Variants in ADCY9 observed in about 807,000 individuals in gnomAD.
The protein encoded by ADCY9 is adenylate cyclase 9, also known as adenylate cyclase type 9.
In ADCY9, 50 loss-of-function variants were observed where a neutral mutation model predicts 101.5. The ratio of observed to expected loss-of-function variants is 0.49; its 90% confidence interval spans 0.39 to 0.62. ADCY9 has a LOEUF of 0.62. ADCY9 is among the 20% of genes least tolerant of loss of function. The pLI is 0.00. For missense variants in ADCY9, 1,662 were observed against 1,800.4 expected (o/e 0.92, Z 1.39); for synonymous variants, 905 against 769.3 (o/e 1.18, Z -2.92).
intron 7 of ADCY9, among the ~76,000 whole-genome samples, chr16:3,980,964 G>C (rs2056137425): frequency 6.6e-6 from 1 of 152,196 alleles, no homozygotes; most frequent in Admixed American, 6.5e-5. Context: ...CGGGGCCTGG[G>C]CCAGTCACTG....
intron 3 of ADCY9, among the ~76,000 whole-genome samples, chr16:3,995,671 TATG>T (rs2056281584): frequency 6.6e-6 from 1 of 151,866 alleles, no homozygotes; most frequent in African/African-American, 2.4e-5. Flanking sequence ...TGAAATAAAT[TATG>T]GGAGGCCAGA....
chr16:4,112,075 C>T (rs2057117257), intron 2 of ADCY9, among the ~76,000 whole-genome samples: 1 of 152,132 alleles, frequency 6.6e-6, no homozygotes, highest in Non-Finnish European at 1.5e-5. Context: ...AACGTACTGC[C>T]GCCCAGCTCC....
At chr16:4,023,375 CAG>C (rs1279439043) in intron 2 of ADCY9, among the ~76,000 whole-genome samples, 3 of 152,200 alleles carry the variant, frequency 2.0e-5, no homozygotes, top group Non-Finnish European at 2.9e-5. Flanking sequence ...GCGGTTTGGA[CAG>C]AGTCAGGGAC....
At chr16:4,005,024 C>T (rs542639309) in intron 3 of ADCY9, among the ~76,000 whole-genome samples, 1 of 152,054 alleles carries the variant, frequency 6.6e-6, no homozygotes, top group South Asian at 2.1e-4. Context: ...AAGGTGTGAC[C>T]ACATTAGCCC....
chr16:3,969,569 A>AATATATATATATAT (rs57260468), intron 10 of ADCY9, among the ~76,000 whole-genome samples: 765 of 45,026 alleles, frequency 0.017, 19 homozygotes, highest in Non-Finnish European at 0.023. Context: ...GTTTGTTTGA[A>AATATATATATATAT]ATATATATAT....
At chr16:4,098,049 G>A (rs1343023861) in intron 2 of ADCY9, among the ~76,000 whole-genome samples, 3 of 152,060 alleles carry the variant, frequency 2.0e-5, no homozygotes, top group Non-Finnish European at 4.4e-5. Flanking sequence ...AAAAGAGAGT[G>A]GCTGGCCCAT....
intron 2 of ADCY9, among the ~76,000 whole-genome samples, chr16:4,097,501 C>CAA (rs1555445955): frequency 9.5e-6 from 1 of 105,510 alleles, no homozygotes; most frequent in Admixed American, 1.0e-4. Context: ...CACACACACA[C>CAA]TATATATATG....
chr16:3,991,136 G>A (rs2056240607), intron 5 of ADCY9, among the ~76,000 whole-genome samples: 1 of 152,146 alleles, frequency 6.6e-6, no homozygotes, highest in African/African-American at 2.4e-5. Flanking sequence ...TGAAGACAGA[G>A]GCAAGAATCA....
chr16:4,089,363 C>A (rs28612091), intron 2 of ADCY9, among the ~76,000 whole-genome samples: 2,879 of 152,160 alleles, frequency 0.019, 119 homozygotes, highest in African/African-American at 0.066. Context: ...CAGTATTCGT[C>A]CACGTTGTCA....
chr16:4,110,521 C>G (rs1244057532), intron 2 of ADCY9, among the ~76,000 whole-genome samples: 2 of 151,940 alleles, frequency 1.3e-5, no homozygotes, highest in Non-Finnish European at 2.9e-5. Context: ...TCCCGAGCAC[C>G]TGGGATTACA....
intron 2 of ADCY9, among the ~76,000 whole-genome samples, chr16:4,073,208 C>T (rs1162467167): frequency 6.6e-6 from 1 of 151,750 alleles, no homozygotes; most frequent in Non-Finnish European, 1.5e-5. Context: ...AATTCTCCTG[C>T]CTCGGCCTCC....
rs59730727 is a variant in ADCY9 at position 4,072,994 on chromosome 16, GA to G, written c.1693+40755del. Among the ~76,000 whole-genome samples, 157 of 129,684 alleles carry G rather than the reference GA, an allele frequency of 1.2e-3. 1 individual carries two copies. The highest frequency in any genetic ancestry group is 3.3e-3 in the African/African-American group (112 of 33,616). 85.1% of individuals were successfully genotyped at this position (129,684 alleles called of 152,430 possible). A position where few individuals can be genotyped will look rare whatever the true frequency, so the allele number is the denominator to read the frequency against. On this transcript the variant is annotated intron_variant, in intron 2 of 10. Transcript: ENST00000294016. ...CAACACAAACCTTCATATCCTAAAA[GA>G]AAAAAAAAAAAAAAAGAAACAAACA...
intron 2 of ADCY9, among the ~76,000 whole-genome samples, chr16:4,063,634 C>T (rs1391715285): frequency 2.0e-5 from 3 of 151,690 alleles, no homozygotes; most frequent in Non-Finnish European, 4.4e-5. Flanking sequence ...ATCTCTTGAG[C>T]CTGGAAGGTG....
At chr16:4,087,936 C>CT (rs932778364) in intron 2 of ADCY9, among the ~76,000 whole-genome samples, 46 of 143,220 alleles carry the variant, frequency 3.2e-4, no homozygotes, top group Admixed American at 1.7e-3. Context: ...CTTTCTTCTT[C>CT]TTTTTTTTTG....
At chr16:3,954,446 C>T (rs1157240522) in intron 5 of ADCY9, among the ~76,000 whole-genome samples, 3 of 152,144 alleles carry the variant, frequency 2.0e-5, no homozygotes, top group African/African-American at 7.2e-5. Flanking sequence ...CTTTCTGAGC[C>T]GGGATCAGGC....
intron 2 of ADCY9, among the ~76,000 whole-genome samples, chr16:4,093,387 AAAAC>A (rs1322890277): frequency 6.6e-6 from 1 of 152,224 alleles, no homozygotes; most frequent in Non-Finnish European, 1.5e-5. Flanking sequence ...CTACTGTTTA[AAAAC>A]AAACAACTGA....
chr16:4,054,575 C>CT (rs913079110), intron 2 of ADCY9, among the ~76,000 whole-genome samples: 1,601 of 146,416 alleles, frequency 0.011, 15 homozygotes, highest in African/African-American at 0.034. Context: ...GGATTTTTTT[C>CT]TTTTTTTTTT....
intron 2 of ADCY9, among the ~76,000 whole-genome samples, chr16:4,046,768 C>T (rs936251208): frequency 3.3e-5 from 5 of 152,114 alleles, no homozygotes; most frequent in African/African-American, 9.7e-5. Flanking sequence ...AATGAAAGAG[C>T]TTCGCTAGAG....
intron 8 of ADCY9, among the ~76,000 whole-genome samples, chr16:3,978,590 C>T (rs944109431): frequency 5.9e-5 from 9 of 152,232 alleles, no homozygotes; most frequent in African/African-American, 1.7e-4. Context: ...TCGTGCCCAC[C>T]GGGGACTCCC....
Sources: gnomAD v4.1 joint callset for allele counts (sites outside exome capture counted in the v4.1 genomes callset) on GRCh38, gnomAD v4.1.1 for gene constraint, MANE v1.5 for transcripts, NCBI Gene and HGNC (gene_info 2026-07-23, HGNC 2026-07-21) for gene names.